Variants in MAPK10 observed in about 807,000 individuals in gnomAD.
MAPK10 encodes the protein JNK3 alpha protein kinase.
A neutral mutation model predicts 59.3 loss-of-function variants in MAPK10; 25 were observed. The observed-to-expected ratio is 0.42, with a 90% CI of 0.31 to 0.59. MAPK10 has a LOEUF of 0.59. Among genes scored for constraint, MAPK10 ranks in the 20% least tolerant of loss-of-function variants. The pLI, the probability that MAPK10 is intolerant of heterozygous loss-of-function variation, is 0.15. For synonymous variants in MAPK10, 190 were observed against 200.5 expected (o/e 0.95, Z 0.44); for missense variants, 351 against 568.9 (o/e 0.62, Z 3.90).
chr4:86,429,779 C>G (rs1184401039), intron 1 of MAPK10: 1 of 151,320 alleles, frequency 6.6e-6, no homozygotes, highest in Non-Finnish European at 1.5e-5. Flanking sequence ...CTCCATCCAG[C>G]CTGGGTGACA....
rs1178379974 is a variant in MAPK10 at position 86,130,411 on chromosome 4, TAA to T, written c.237-23061_237-23060del. Reference sequence around the variant, plus strand: ...AAGAACTATACCATATTGAGGAATATAAGATAGATTCAAACTAAACAAATAAT... The same window carrying T: ...AAGAACTATACCATATTGAGGAATATGATAGATTCAAACTAAACAAATAAT... On this transcript the variant is annotated intron_variant, in intron 4 of 13. Coordinates refer to ENST00000641462, the MANE Select transcript of MAPK10 (RefSeq NM_138982.4). 2.6e-5 allele frequency among the ~76,000 whole-genome samples: 4 copies of T among 152,142 alleles called. No homozygotes were observed. In the Middle Eastern group the frequency reaches 0.01, roughly 388 times the overall value.
intron 2 of MAPK10, among the ~76,000 whole-genome samples, chr4:86,229,074 T>C (rs1300750471): frequency 6.6e-6 from 1 of 152,224 alleles, no homozygotes; most frequent in Non-Finnish European, 1.5e-5. Flanking sequence ...TTATGAGTTT[T>C]CAAGGCAACT....
intron 2 of MAPK10, among the ~76,000 whole-genome samples, chr4:86,204,593 G>C (rs935020091): frequency 1.4e-4 from 21 of 151,954 alleles, no homozygotes; most frequent in African/African-American, 5.1e-4. Flanking sequence ...TGTGGAATCT[G>C]AATGGAAACA....
At chr4:86,581,676 TTGTGTGTGTGTGTG>T (rs56210798) in intron 1 of MAPK10, among the ~76,000 whole-genome samples, 3,797 of 136,840 alleles carry the variant, frequency 0.028, 157 homozygotes, top group African/African-American at 0.089. Flanking sequence ...TTTTCAGTTA[TTGTGTGTGTGTGTG>T]TGTGTGTGTG....
At chr4:86,203,043 T>C (rs1042293824) in intron 2 of MAPK10, among the ~76,000 whole-genome samples, 2 of 151,962 alleles carry the variant, frequency 1.3e-5, no homozygotes, top group Admixed American at 1.3e-4. Flanking sequence ...TATCTCAATA[T>C]TATGCTAAAG....
intron 1 of MAPK10, among the ~76,000 whole-genome samples, chr4:86,493,728 T>C (rs1488625074): frequency 6.6e-6 from 1 of 152,238 alleles, no homozygotes; most frequent in African/African-American, 2.4e-5. Flanking sequence ...ATGGTTGCTA[T>C]GGTTGATGAA....
chr4:86,207,322 G>A (rs7683909), intron 2 of MAPK10, among the ~76,000 whole-genome samples: 41,131 of 150,634 alleles, frequency 0.27, 7,991 homozygotes, highest in African/African-American at 0.56. Flanking sequence ...CCCATTGCTT[G>A]TTTTTCTCAG....
At chr4:86,243,026 C>T (rs969504614) in intron 2 of MAPK10, among the ~76,000 whole-genome samples, 7 of 152,196 alleles carry the variant, frequency 4.6e-5, no homozygotes, top group Admixed American at 4.6e-4. Context: ...AGCTGGGTAG[C>T]GCGCTCACTC....
At chr4:86,273,468 T>A (rs2094490807) in intron 2 of MAPK10, among the ~76,000 whole-genome samples, 1 of 151,990 alleles carries the variant, frequency 6.6e-6, no homozygotes, top group African/African-American at 2.4e-5. Flanking sequence ...CAAAAAGGTA[T>A]TTTAGGAGAA....
chr4:86,217,859 A>C (rs2088188805), intron 2 of MAPK10, among the ~76,000 whole-genome samples: 1 of 152,126 alleles, frequency 6.6e-6, no homozygotes, highest in African/African-American at 2.4e-5. Flanking sequence ...ACATCACAGA[A>C]GATAAATACA....
At chr4:86,319,923 C>T (rs1403472918) in intron 2 of MAPK10, among the ~76,000 whole-genome samples, 3 of 152,250 alleles carry the variant, frequency 2.0e-5, no homozygotes, top group Admixed American at 2.0e-4. Flanking sequence ...CTCTCCCTCA[C>T]TCCTGTCCCT....
intron 1 of MAPK10, among the ~76,000 whole-genome samples, chr4:86,558,832 G>GGA (rs1760456872): frequency 3.5e-5 from 5 of 142,692 alleles, no homozygotes; most frequent in Admixed American, 7.0e-5. Flanking sequence ...AAACTTTCAG[G>GGA]AAAAAAAAAA....
At chr4:86,540,593 A>C (rs534533212) in intron 1 of MAPK10, among the ~76,000 whole-genome samples, 3 of 152,350 alleles carry the variant, frequency 2.0e-5, no homozygotes, top group Non-Finnish European at 4.4e-5. Context: ...AGAATCTAGA[A>C]GACGAGAGCA....
upstream of MAPK10, chr4:86,360,136 C>T: frequency 1.0e-6 from 1 of 985,806 alleles, no homozygotes; most frequent in Non-Finnish European, 1.2e-6. Flanking sequence ...GACGTCAAAG[C>T]CCAGAGAGGT....
intron 2 of MAPK10, among the ~76,000 whole-genome samples, chr4:86,219,189 G>T (rs1266486041): frequency 6.6e-6 from 1 of 152,168 alleles, no homozygotes; most frequent in Admixed American, 6.5e-5. Flanking sequence ...GAGAGAGAGA[G>T]AGAGATTTCC....
At chr4:86,075,928 C>G (rs569155838) in intron 9 of MAPK10, among the ~76,000 whole-genome samples, 27 of 152,206 alleles carry the variant, frequency 1.8e-4, no homozygotes, top group Middle Eastern at 3.4e-3. Flanking sequence ...CCACCCAGTT[C>G]GAGTTTCCAG....
chr4:86,524,385 G>T (rs756930188), intron 1 of MAPK10, among the ~76,000 whole-genome samples: 1 of 152,120 alleles, frequency 6.6e-6, no homozygotes. Flanking sequence ...GTAATCACTT[G>T]ATTTCACTTC....
intron 9 of MAPK10, among the ~76,000 whole-genome samples, chr4:86,074,568 A>T: frequency 8.3e-6 from 1 of 121,028 alleles, no homozygotes; most frequent in Non-Finnish European, 1.8e-5. Context: ...TTCCTTCAGG[A>T]GCTCTTTTAG....
At chr4:86,027,666 T>C (rs1751041789) in intron 13 of MAPK10, 2 of 152,130 alleles carry the variant, frequency 1.3e-5, no homozygotes, top group Non-Finnish European at 2.9e-5. Context: ...AGAAATTGAG[T>C]GGCAATTTTC....
Sources: allele counts gnomAD v4.1 joint callset (sites outside exome capture counted in the v4.1 genomes callset), GRCh38; gene constraint gnomAD v4.1.1; transcripts MANE v1.5; gene names NCBI Gene and HGNC (gene_info 2026-07-23, HGNC 2026-07-21).